PRICKLE2: variants seen among roughly 807,000 people sequenced by gnomAD.
The protein encoded by PRICKLE2 is prickle-like protein 2.
PRICKLE2 carries 21 observed loss-of-function variants against 81.4 expected under a neutral mutation model. The ratio of observed to expected loss-of-function variants is 0.26; its 90% CI spans 0.18 to 0.37. The LOEUF is 0.37. Ranked by LOEUF, PRICKLE2 falls within the 10% of genes least tolerant of loss-of-function variation. PRICKLE2 has a pLI of 1.00. For missense variants in PRICKLE2, 940 were observed against 1,109.0 expected, an observed-to-expected ratio of 0.85 and a Z score of 2.16; for synonymous variants, 456 against 421.5, an observed-to-expected ratio of 1.08 and a Z score of -1.00.
chr3:64,155,975 A>G (rs1177236941), intron 5 of PRICKLE2, among the ~76,000 whole-genome samples: 1 of 152,208 alleles, frequency 6.6e-6, no homozygotes, highest in African/African-American at 2.4e-5. Flanking sequence ...ATATACTAAA[A>G]TCCACTGAAT....
intron 2 of PRICKLE2, among the ~76,000 whole-genome samples, chr3:64,242,529 ACACAAGTTAATTTTC>A (rs1466967931): frequency 1.3e-5 from 2 of 152,262 alleles, no homozygotes; most frequent in Non-Finnish European, 2.9e-5. Flanking sequence ...TTGACTGGTT[ACACAAGTTAATTTTC>A]CATTTACAGT....
At position 64,096,126 on chromosome 3, in the gene PRICKLE2, C is replaced by G. The variant is rs2076568766; in HGVS notation, c.*2925G>C. 1 of 152,194 alleles carries G rather than the reference C, an allele frequency of 6.6e-6. No individual in the cohort carries two copies. Among genetic ancestry groups the G allele is most frequent in the Admixed American group, 6.5e-5 (1 of 15,278 alleles). 9.4% of individuals were successfully genotyped at this position (152,194 alleles called of 1,614,324 possible). A position where few individuals can be genotyped will look rare whatever the true frequency, so the allele number is the denominator to read the frequency against. ...TGAACTCAACTCCGAAGTTGCAGTT[C>G]TAACCAAAAGACAAGAAGATCAATA... On this transcript the variant is annotated 3_prime_UTR_variant, in exon 8 of 8. Transcript: ENST00000638394.
intron 2 of PRICKLE2, among the ~76,000 whole-genome samples, chr3:64,267,406 G>A (rs1158465620): frequency 6.6e-6 from 1 of 150,930 alleles, no homozygotes; most frequent in African/African-American, 2.4e-5. Context: ...TATCTTTTCG[G>A]GGATATAAGC....
chr3:64,157,323 A>G lies in PRICKLE2; in HGVS notation c.439T>C (p.Ser147Pro), dbSNP rs576199055. Residue 147 changes from serine to proline, a missense_variant, in exon 5 of 8, where the codon TCA becomes CCA. Coordinates refer to ENST00000638394, the MANE Select transcript of PRICKLE2 (RefSeq NM_198859.4). ...INGGDIAVFA[S>P]RAGHGVCWHP... Reference sequence around the variant, plus strand: ...CAGCAAACGCCGTGGCCAGCGCGTGACGCAAACACAGCGATGTCTCCACCA... The same window carrying G: ...CAGCAAACGCCGTGGCCAGCGCGTGGCGCAAACACAGCGATGTCTCCACCA... 7 of 1,613,826 alleles carry G rather than the reference A, an allele frequency of 4.3e-6. No homozygotes were observed. The South Asian group carries it at 6.6e-5, about 15-fold the overall frequency.
At chr3:64,168,584 T>C (rs1157763799) in intron 2 of PRICKLE2, among the ~76,000 whole-genome samples, 1 of 152,174 alleles carries the variant, frequency 6.6e-6, no homozygotes, top group Non-Finnish European at 1.5e-5. Flanking sequence ...TTCATAAACC[T>C]TCTGCACACT....
chr3:64,253,865 T>C (rs2079486101), intron 2 of PRICKLE2, among the ~76,000 whole-genome samples: 1 of 152,204 alleles, frequency 6.6e-6, no homozygotes, highest in African/African-American at 2.4e-5. Context: ...TGAGATCCGC[T>C]GGCCAGTGTC....
At chr3:64,235,267 G>A (rs1288010929) in intron 2 of PRICKLE2, among the ~76,000 whole-genome samples, 1 of 152,020 alleles carries the variant, frequency 6.6e-6, no homozygotes, top group Non-Finnish European at 1.5e-5. Flanking sequence ...TCTACTTGAT[G>A]AGATGCTGTC....
chr3:64,239,383 T>C (rs1220018888), intron 2 of PRICKLE2, among the ~76,000 whole-genome samples: 1 of 152,082 alleles, frequency 6.6e-6, no homozygotes, highest in African/African-American at 2.4e-5. Context: ...AGACATATTC[T>C]GCAATAAGAA....
intron 7 of PRICKLE2, among the ~76,000 whole-genome samples, chr3:64,111,619 G>A (rs2076847940): frequency 6.6e-6 from 1 of 152,160 alleles, no homozygotes; most frequent in Admixed American, 6.5e-5. Context: ...TGAATTACAT[G>A]CAACAACATG....
At chr3:64,255,374 G>GTTT (rs951534993) in intron 2 of PRICKLE2, among the ~76,000 whole-genome samples, 2 of 152,176 alleles carry the variant, frequency 1.3e-5, no homozygotes, top group African/African-American at 4.8e-5. Context: ...CCCTGATTCA[G>GTTT]TTTTTACAGG....
chr3:64,265,511 C>G (rs904916328), intron 2 of PRICKLE2, among the ~76,000 whole-genome samples: 12 of 152,162 alleles, frequency 7.9e-5, no homozygotes, highest in Non-Finnish European at 1.8e-4. Context: ...AGAAAAACAG[C>G]CTGGGGAGCA....
chr3:64,219,657 G>A (rs911617811), intron 1 of PRICKLE2, among the ~76,000 whole-genome samples: 22 of 152,126 alleles, frequency 1.4e-4, no homozygotes, highest in African/African-American at 4.3e-4. Context: ...ATCAACCAAC[G>A]AGATTTTAAT....
intron 7 of PRICKLE2, among the ~76,000 whole-genome samples, chr3:64,114,669 G>GA (rs34758393): frequency 0.35 from 52,485 of 148,826 alleles, 10,250 homozygotes; most frequent in Middle Eastern, 0.5. Context: ...GACAAGAATA[G>GA]AAAAAAAAAA....
At chr3:64,142,560 C>T (rs1040345454) in intron 7 of PRICKLE2, among the ~76,000 whole-genome samples, 2 of 152,120 alleles carry the variant, frequency 1.3e-5, no homozygotes, top group Admixed American at 6.5e-5. Context: ...ATCCACCTGC[C>T]TTGGCCTCCC....
intron 2 of PRICKLE2, among the ~76,000 whole-genome samples, chr3:64,166,784 G>A (rs1410687936): frequency 2.0e-5 from 3 of 152,158 alleles, no homozygotes; most frequent in African/African-American, 7.2e-5. Flanking sequence ...GGCTTGCTCT[G>A]AGGAAGGAGA....
chr3:64,201,932 G>A (rs1225867951), intron 1 of PRICKLE2, among the ~76,000 whole-genome samples: 1 of 152,084 alleles, frequency 6.6e-6, no homozygotes, highest in Non-Finnish European at 1.5e-5. Context: ...CTAAGTAGGA[G>A]TCCACCTTCA....
chr3:64,147,344 G>A lies in PRICKLE2; in HGVS notation c.1146C>T (p.Ser382=), dbSNP rs1447144401. The A allele has an allele frequency of 6.2e-7, 1 of 1,614,186 alleles. No individual in the cohort carries two copies. The part of the protein sequence containing the change: ...LSLQMDMLSL[S]SQTPSLNRDP... ...CCCGGTTGAGGCTGGGTGTCTGGCT[G>A]GACAGGCTGAGCATGTCCATCTGCA... Residue 382 remains serine (S), a synonymous_variant, in exon 7 of 8, where the codon TCC becomes TCT. Coordinates refer to ENST00000638394, the MANE Select transcript of PRICKLE2 (RefSeq NM_198859.4). The surrounding 1 kb of genome is among the most constrained non-coding windows in gnomAD (Gnocchi z 5.0).
chr3:64,133,303 G>A (rs1056746233), intron 7 of PRICKLE2, among the ~76,000 whole-genome samples: 4 of 152,142 alleles, frequency 2.6e-5, no homozygotes, highest in South Asian at 2.1e-4. Context: ...TGAGCCTTGG[G>A]TTGTATAAAG....
rs765569869 is a variant in PRICKLE2 at position 64,099,304 on chromosome 3, A to G, written c.2282T>C (p.Phe761Ser). ...TVSDLALQNAFGDRWGPYFAE... is the reference protein window; with the variant it reads ...TVSDLALQNASGDRWGPYFAE... ...GAAGTAGGGTCCCCAGCGGTCCCCA[A>G]AGGCATTCTGCAAAGCCAGGTCCGA... Residue 761 changes from phenylalanine to serine, a missense_variant, in exon 8 of 8, where the codon TTT becomes TCT. Around this residue, in one of 2 missense-constraint regions of PRICKLE2, gnomAD observed 670 missense variants for 717.2 expected, o/e 0.93. Coordinates refer to ENST00000638394, the MANE Select transcript of PRICKLE2 (RefSeq NM_198859.4). The surrounding 1 kb of genome is among the most constrained non-coding windows in gnomAD (Gnocchi z 4.3). 2.3e-5 allele frequency: 37 copies of G among 1,614,198 alleles called. No individual in the cohort carries two copies. The highest frequency in any genetic ancestry group is 3.1e-5 in the Non-Finnish European group (36 of 1,180,026).
Sources: gnomAD v4.1 joint callset for allele counts (sites outside exome capture counted in the v4.1 genomes callset) on GRCh38, gnomAD v4.1.1 for gene constraint, gnomAD v4.1.1 regional missense constraint, Gnocchi (gnomAD v3.1) non-coding constraint, MANE v1.5 for transcripts, NCBI Gene and HGNC (gene_info 2026-07-23, HGNC 2026-07-21) for gene names.